Variants in CCDC152 observed in about 807,000 individuals in gnomAD.
The protein encoded by CCDC152 is coiled-coil domain-containing protein 152.
CCDC152 carries 37 observed loss-of-function variants against 38.1 expected under a neutral mutation model. The ratio of observed to expected loss-of-function variants is 0.97; its 90% CI spans 0.75 to 1.28. The LOEUF is 1.28. Ranked by LOEUF, CCDC152 falls within the 50% of genes most tolerant of loss-of-function variation. The probability of loss-of-function intolerance (pLI) is 0.00; values close to 1 mark genes in which losing one functional copy is unlikely to be tolerated. For synonymous variants in CCDC152, 83 were observed against 87.1 expected (o/e 0.95, Z 0.26); for missense variants, 259 against 292.1 (o/e 0.89, Z 0.83).
At chr5:42,795,129 T>C (rs1373251474) in intron 6 of CCDC152, among the ~76,000 whole-genome samples, 1 of 152,174 alleles carries the variant, frequency 6.6e-6, no homozygotes, top group Non-Finnish European at 1.5e-5. Context: ...ATTGAATAAG[T>C]ATTAAAATCT....
intron 5 of CCDC152, among the ~76,000 whole-genome samples, chr5:42,781,256 A>C (rs1759840172): frequency 1.3e-5 from 2 of 152,204 alleles, no homozygotes; most frequent in Non-Finnish European, 1.5e-5. Flanking sequence ...AAATCTAGAT[A>C]TATAGAAAAT....
Position 42,799,699 on chromosome 5 carries a change from C to A in CCDC152, c.683C>A (p.Ala228Glu), listed in dbSNP as rs1475048223. ...CAAGAAGAAAAAAACAAGGAGATTG[C>A]AATTCTTCGTAATACCATTCGCGAT... Reference protein sequence around the residue: ...HFQEEKNKEIAILRNTIRDLE... With the variant: ...HFQEEKNKEIEILRNTIRDLE... The change falls in exon 9 of 9, where the codon GCA (alanine) becomes GAA (glutamate). Residue 228 changes from alanine (A) to glutamate (E), a missense_variant. By Grantham distance (107) the Ala-to-Glu change is moderately radical (BLOSUM62 -1). Transcript: ENST00000361970. 2.6e-6 allele frequency: 4 copies of A among 1,549,556 alleles called. No individual in the cohort carries two copies. The highest frequency in any genetic ancestry group is 2.6e-6 in the Non-Finnish European group (3 of 1,145,688).
At chr5:42,784,612 G>A (rs980000612) in intron 6 of CCDC152, among the ~76,000 whole-genome samples, 14 of 151,200 alleles carry the variant, frequency 9.3e-5, no homozygotes, top group Admixed American at 8.6e-4. Context: ...CTTTAAATCC[G>A]ATTTGTCTAT....
intron 6 of CCDC152, among the ~76,000 whole-genome samples, chr5:42,791,684 T>C (rs1385444012): frequency 6.6e-6 from 1 of 152,196 alleles, no homozygotes; most frequent in African/African-American, 2.4e-5. Context: ...TGGTCATTGC[T>C]TTCTTTAGAG....
chr5:42,782,742 T>C (rs1019275421), intron 5 of CCDC152, among the ~76,000 whole-genome samples: 4 of 152,284 alleles, frequency 2.6e-5, no homozygotes, highest in Middle Eastern at 3.4e-3. Context: ...ATTTAACATA[T>C]ATTTAACATA....
Position 42,773,936 on chromosome 5 carries a change from A to G in CCDC152, c.262+4271A>G, listed in dbSNP as rs578211446. On this transcript the variant is annotated intron_variant, in intron 4 of 8. Coordinates refer to ENST00000361970, the MANE Select transcript of CCDC152 (RefSeq NM_001134848.2). ...ATTCTCACTTGCACATAAAACTTGGAAATAGAATTCTAACTTTAATGAAAA... is the reference window on the plus strand; with the variant it reads ...ATTCTCACTTGCACATAAAACTTGGGAATAGAATTCTAACTTTAATGAAAA... Among the ~76,000 whole-genome samples, 416 of 152,342 alleles carry G rather than the reference A, an allele frequency of 2.7e-3. 5 individuals carry two copies. Among genetic ancestry groups the G allele is most frequent in the African/African-American group, 9.5e-3 (393 of 41,574 alleles).
intron 5 of CCDC152, among the ~76,000 whole-genome samples, chr5:42,780,900 C>T (rs139934092): frequency 0.012 from 1,757 of 152,244 alleles, 18 homozygotes; most frequent in South Asian, 0.022. Context: ...GAAAAGAAGA[C>T]AACCAATTGT....
At chr5:42,784,667 C>A (rs1759895537) in intron 6 of CCDC152, among the ~76,000 whole-genome samples, 1 of 152,184 alleles carries the variant, frequency 6.6e-6, no homozygotes, top group South Asian at 2.1e-4. Flanking sequence ...GTCATAAATT[C>A]TTTGCCTAGG....
chr5:42,769,053 G>A lies in CCDC152; in HGVS notation c.194-544G>A, dbSNP rs184628905. On this transcript the variant is annotated intron_variant, in intron 3 of 8. Transcript: ENST00000361970. Reference sequence around the variant, plus strand: ...TACTTGAGGTCAGGAGTTCGAGACCGCATGGCCAACATGGTGAAACGCCGT... The same window carrying A: ...TACTTGAGGTCAGGAGTTCGAGACCACATGGCCAACATGGTGAAACGCCGT... 2.0e-5 allele frequency among the ~76,000 whole-genome samples: 3 copies of A among 152,080 alleles called. No homozygotes were observed. The East Asian group carries it at 5.8e-4, about 30-fold the overall frequency.
intron 4 of CCDC152, among the ~76,000 whole-genome samples, chr5:42,777,059 A>T (rs1561275574): frequency 6.6e-6 from 1 of 151,970 alleles, no homozygotes; most frequent in South Asian, 2.1e-4. Context: ...ACAAAAATAA[A>T]GCAGAAATTA....
chr5:42,784,147 A>G (rs1759887016), intron 6 of CCDC152, among the ~76,000 whole-genome samples: 1 of 152,162 alleles, frequency 6.6e-6, no homozygotes, highest in African/African-American at 2.4e-5. Context: ...TTTTATTTTT[A>G]GTTATTTGAG....
Position 42,796,810 on chromosome 5 carries a change from T to C in CCDC152, c.431-19T>C, listed in dbSNP as rs1219606979. 4 of 1,351,320 alleles carry C rather than the reference T, an allele frequency of 3.0e-6. No homozygotes were observed. Among genetic ancestry groups the C allele is most frequent in the Non-Finnish European group, 3.9e-6 (4 of 1,015,840 alleles). 83.7% of individuals were successfully genotyped at this position (1,351,320 alleles called of 1,614,324 possible). On this transcript the variant is annotated intron_variant, in intron 6 of 8. Coordinates refer to ENST00000361970, the MANE Select transcript of CCDC152 (RefSeq NM_001134848.2). ...TGAAATTTTTAACAAATGAATTTTA[T>C]TTATTTCATTTTATTCAGTTGAATT... is the stretch of plus-strand genomic sequence containing the variant.
At chr5:42,774,379 TGGA>T (rs1459778316) in intron 4 of CCDC152, among the ~76,000 whole-genome samples, 2 of 152,192 alleles carry the variant, frequency 1.3e-5, no homozygotes, top group East Asian at 3.8e-4. Flanking sequence ...TGTTGTTGGC[TGGA>T]GGAGAAGAAA....
At chr5:42,791,183 T>A (rs1273725362) in intron 6 of CCDC152, among the ~76,000 whole-genome samples, 2 of 152,234 alleles carry the variant, frequency 1.3e-5, no homozygotes, top group Non-Finnish European at 2.9e-5. Flanking sequence ...TTCCATTTTT[T>A]ATTTTTTTAA....
intron 3 of CCDC152, among the ~76,000 whole-genome samples, chr5:42,769,224 G>T (rs2111948841): frequency 6.6e-6 from 1 of 151,408 alleles, no homozygotes; most frequent in South Asian, 2.1e-4. Context: ...CTTCAGCCTG[G>T]ACGACAGGGC....
intron 4 of CCDC152, among the ~76,000 whole-genome samples, chr5:42,776,748 C>A (rs1207948246): frequency 6.6e-6 from 1 of 151,998 alleles, no homozygotes; most frequent in Non-Finnish European, 1.5e-5. Context: ...AAGTAGACAT[C>A]AAAAACAGAA....
chr5:42,788,568 G>A lies in CCDC152; in HGVS notation c.430+4992G>A, dbSNP rs2973012. ...AGCCACCGTGCCTGGTCCTTCATCT[G>A]TATGTCTCTGGGATAGTAACTGTCC... On this transcript the variant is annotated intron_variant, in intron 6 of 8. Transcript: ENST00000361970. Among the ~76,000 whole-genome samples, 314 of 152,088 alleles carry A rather than the reference G, an allele frequency of 2.1e-3. 1 individual carries two copies. Among genetic ancestry groups the A allele is most frequent in the African/African-American group, 7.2e-3 (297 of 41,510 alleles).
Position 42,766,514 on chromosome 5 carries a change from G to T in CCDC152, c.194-3083G>T, listed in dbSNP as rs572987393. On this transcript the variant is annotated intron_variant, in intron 3 of 8. Coordinates refer to ENST00000361970, the MANE Select transcript of CCDC152 (RefSeq NM_001134848.2). ...GCCAAGATTTGGAAGAAACCTAAGT[G>T]TTCATCAACAGATGAATGAATAAAG... is the stretch of plus-strand genomic sequence containing the variant. Among the ~76,000 whole-genome samples, 115 of 152,250 alleles carry T rather than the reference G, an allele frequency of 7.6e-4. 1 individual carries two copies. The highest frequency in any genetic ancestry group is 1.3e-3 in the Non-Finnish European group (91 of 68,008).
At chr5:42,798,242 A>G (rs1267742875) in intron 7 of CCDC152, among the ~76,000 whole-genome samples, 1 of 152,214 alleles carries the variant, frequency 6.6e-6, no homozygotes, top group African/African-American at 2.4e-5. Flanking sequence ...AATGTTTTCT[A>G]GACTCTATCA....
Sources: gnomAD v4.1 joint callset for allele counts (sites outside exome capture counted in the v4.1 genomes callset) on GRCh38, gnomAD v4.1.1 for gene constraint, MANE v1.5 for transcripts, NCBI Gene and HGNC (gene_info 2026-07-23, HGNC 2026-07-21) for gene names.